Variants in LYG1 observed in about 807,000 individuals in gnomAD.
LYG1 encodes lysozyme g1, also known as lysozyme g-like protein 1.
A neutral mutation model predicts 21.7 loss-of-function variants in LYG1; 17 were observed. The ratio of observed to expected loss-of-function variants is 0.78; its 90% CI spans 0.54 to 1.18. The LOEUF (loss-of-function observed/expected upper bound fraction) is 1.18, where lower values mean the gene tolerates loss of function less well. LYG1 is among the 50% of genes most tolerant of loss of function. The probability of loss-of-function intolerance (pLI) is 0.00; values close to 1 mark genes in which losing one functional copy is unlikely to be tolerated. For missense variants in LYG1, 211 were observed against 238.1 expected (o/e 0.89, Z 0.75); for synonymous variants, 81 against 87.4 (o/e 0.93, Z 0.41).
intron 3 of LYG1, 83 bp from the exon 4 acceptor site, chr2:99,292,723 A>G (rs961369743): frequency 1.2e-6 from 1 of 838,410 alleles, no homozygotes; most frequent in Non-Finnish European, 2.0e-6. Flanking sequence ...ACATTAATAA[A>G]AGTAACAATA....
At chr2:99,294,020 C>T (rs984890000) in intron 3 of LYG1, among the ~76,000 whole-genome samples, 4 of 152,156 alleles carry the variant, frequency 2.6e-5, no homozygotes, top group Admixed American at 1.3e-4. Context: ...CTCCCAGGTT[C>T]AAGCTATCCT....
In LYG1 at chr2:99,284,480, G is replaced by C. The variant is rs1559216013; in HGVS notation, c.498C>G (p.Gly166=). The C allele has an allele frequency of 6.2e-7, 1 of 1,614,162 alleles. No homozygotes were observed. The highest frequency in any genetic ancestry group is 2.2e-5 in the East Asian group (1 of 44,888). The change falls in exon 7 of 7, where the codon GGC becomes GGG. Residue 166 remains glycine (G), a synonymous_variant. Transcript: ENST00000308528. Reference sequence around the variant, plus strand: ...TCAGGTCCTGGCTGCTTCGGACATAGCCAGCACCCCCACTGTAGGCACAGA... The same window carrying C: ...TCAGGTCCTGGCTGCTTCGGACATACCCAGCACCCCCACTGTAGGCACAGA... ...GGLCAYSGGA[G]YVRSSQDLSC...
intron 3 of LYG1, 101 bp downstream of exon 3, chr2:99,295,527 T>G: frequency 7.2e-7 from 1 of 1,397,700 alleles, no homozygotes; most frequent in Non-Finnish European, 1.0e-6. Flanking sequence ...AGGGAAAAAA[T>G]AATCTTTTTT....
At chr2:99,303,953 C>T (rs1436770414), upstream of LYG1, among the ~76,000 whole-genome samples, 15 of 152,128 alleles carry the variant, frequency 9.9e-5, no homozygotes, top group South Asian at 6.2e-4. Context: ...AGGCGGATCA[C>T]GAGCTCAAGA....
At chr2:99,289,705 G>A (rs1331654434) in intron 5 of LYG1, among the ~76,000 whole-genome samples, 1 of 152,132 alleles carries the variant, frequency 6.6e-6, no homozygotes, top group Admixed American at 6.6e-5. Context: ...TTTTCTGTCT[G>A]AACTTGTAAT....
intron 1 of LYG1, among the ~76,000 whole-genome samples, chr2:99,299,389 A>G (rs2094147350): frequency 6.8e-6 from 1 of 147,658 alleles, no homozygotes; most frequent in South Asian, 2.1e-4. Flanking sequence ...GCCTGTAAGA[A>G]TGTCTCATTA....
upstream of LYG1, among the ~76,000 whole-genome samples, chr2:99,303,354 C>A (rs189735690): frequency 6.6e-5 from 10 of 152,216 alleles, no homozygotes; most frequent in Non-Finnish European, 1.0e-4. Flanking sequence ...ACAAAAGCAC[C>A]CTGTCATCAG....
intron 3 of LYG1, among the ~76,000 whole-genome samples, chr2:99,294,037 T>C (rs2094128947): frequency 6.6e-6 from 1 of 152,104 alleles, no homozygotes; most frequent in Non-Finnish European, 1.5e-5. Context: ...TCCTGCCACC[T>C]CAGCCTCTCA....
At chr2:99,295,841 AGTG>A in intron 2 of LYG1, 139 bp from the exon 3 acceptor site, 1 of 798,478 alleles carries the variant, frequency 1.3e-6, no homozygotes, top group Admixed American at 2.8e-5. Context: ...TTTGAATCAT[AGTG>A]AAAAAAAAGC....
intron 2 of LYG1, among the ~76,000 whole-genome samples, chr2:99,297,358 C>A (rs1419692242): frequency 2.0e-5 from 3 of 152,216 alleles, no homozygotes; most frequent in African/African-American, 7.2e-5. Context: ...CTCATGGTCT[C>A]ATGAAAGTGC....
chr2:99,284,365 A>C lies in LYG1; in HGVS notation c.*28T>G. Reference sequence around the variant, plus strand: ...TGTAACATTTGAGGCTGCATATGTGATCATGGTCTTGGGTTTCATCTGAGA... The same window carrying C: ...TGTAACATTTGAGGCTGCATATGTGCTCATGGTCTTGGGTTTCATCTGAGA... On this transcript the variant is annotated 3_prime_UTR_variant, in exon 7 of 7. Transcript: ENST00000308528. 6.2e-7 allele frequency: 1 copy of C among 1,601,940 alleles called. No homozygotes were observed. Among genetic ancestry groups the C allele is most frequent in the African/African-American group, 1.3e-5 (1 of 74,776 alleles).
chr2:99,284,972 G>T, intron 5 of LYG1, 152 bp from the exon 6 acceptor site: 1 of 1,097,626 alleles, frequency 9.1e-7, no homozygotes, highest in Non-Finnish European at 1.3e-6. Context: ...TGTGAGGTAG[G>T]TTAGATAGGG....
intron 4 of LYG1, among the ~76,000 whole-genome samples, chr2:99,291,784 T>C (rs545182807): frequency 8.5e-4 from 130 of 152,306 alleles, no homozygotes; most frequent in Non-Finnish European, 1.5e-3. Context: ...CAACCTGACA[T>C]GAAGGAGAAA....
intron 5 of LYG1, among the ~76,000 whole-genome samples, chr2:99,285,428 G>A (rs567526926): frequency 6.1e-4 from 92 of 151,662 alleles, no homozygotes; most frequent in Non-Finnish European, 9.7e-4. Flanking sequence ...GAACAGAAGG[G>A]AAAATTCCCA....
intron 1 of LYG1, among the ~76,000 whole-genome samples, chr2:99,300,558 C>T (rs2094151178): frequency 6.6e-6 from 1 of 152,202 alleles, no homozygotes; most frequent in South Asian, 2.1e-4. Flanking sequence ...AGTTCTTACA[C>T]AGCTTGCAGA....
chr2:99,299,773 T>C (rs1164574210), intron 1 of LYG1, among the ~76,000 whole-genome samples: 1 of 151,634 alleles, frequency 6.6e-6, no homozygotes, highest in East Asian at 1.9e-4. Flanking sequence ...TTAATTTTTG[T>C]TTTTTTAAAA....
chr2:99,295,813 A>C (rs781038176), intron 2 of LYG1, 111 bp from the exon 3 acceptor site: 100 of 1,024,658 alleles, frequency 9.8e-5, no homozygotes, highest in Non-Finnish European at 1.4e-4. Flanking sequence ...CCCATATCTG[A>C]CCTAAGAAAA....
chr2:99,285,362 C>T (rs1351437524), intron 5 of LYG1, among the ~76,000 whole-genome samples: 2 of 149,172 alleles, frequency 1.3e-5, no homozygotes, highest in East Asian at 3.9e-4. Flanking sequence ...TCCTGGGTGA[C>T]AGAGTGAGAC....
upstream of LYG1, among the ~76,000 whole-genome samples, chr2:99,302,634 G>A (rs984369309): frequency 1.1e-4 from 16 of 152,100 alleles, no homozygotes; most frequent in African/African-American, 2.7e-4. Flanking sequence ...ACATGTTTAC[G>A]GAATGAGTAA....
Sources: gnomAD v4.1 joint callset for allele counts (sites outside exome capture counted in the v4.1 genomes callset) on GRCh38, gnomAD v4.1.1 for gene constraint, MANE v1.5 for transcripts, NCBI Gene and HGNC (gene_info 2026-07-23, HGNC 2026-07-21) for gene names.